The following HPSE2 variants were observed in gnomAD, a reference collection of about 807,000 sequenced individuals.
HPSE2 encodes heparanase 2 (inactive).
In HPSE2, 38 loss-of-function variants were observed where a neutral mutation model predicts 60.5. The observed-to-expected ratio is 0.63, with a 90% confidence interval of 0.48 to 0.82. The LOEUF is 0.82. HPSE2 is among the 40% of genes least tolerant of loss of function. HPSE2 has a pLI of 0.00. For missense variants in HPSE2, 713 were observed against 740.4 expected (o/e 0.96, Z 0.43); for synonymous variants, 295 against 293.2 (o/e 1.01, Z -0.06).
rs771032742 is a variant in HPSE2 at position 98,749,930 on chromosome 10, C to CTATATATATATATATA, written c.611-5890_611-5875dup. The stretch of plus-strand genomic sequence containing the variant: ...ATATTTTATATATATATATTAAACA[C>CTATATATATATATATA]TATATATATATATATATACACACAC... On this transcript the variant is annotated intron_variant, in intron 3 of 11. Coordinates refer to ENST00000370552, the MANE Select transcript of HPSE2 (RefSeq NM_021828.5). 3.7e-3 allele frequency among the ~76,000 whole-genome samples: 361 copies of CTATATATATATATATA among 96,936 alleles called. 5 individuals carry two copies. The highest frequency in any genetic ancestry group is 0.011 in the African/African-American group (330 of 29,082). 63.6% of individuals were successfully genotyped at this position (96,936 alleles called of 152,430 possible). A position where few individuals can be genotyped will look rare whatever the true frequency, so the allele number is the denominator to read the frequency against.
chr10:98,588,272 A>T (rs1944991702), intron 9 of HPSE2, among the ~76,000 whole-genome samples: 1 of 152,054 alleles, frequency 6.6e-6, no homozygotes, highest in African/African-American at 2.4e-5. Context: ...GGAGGGGATG[A>T]GACCAGGGCC....
In HPSE2 at chr10:98,475,014, G is replaced by C. The variant is rs568510244; in HGVS notation, c.1613+7622C>G. Among the ~76,000 whole-genome samples the C allele has an allele frequency of 2.0e-4, 30 of 152,136 alleles. 1 individual carries two copies. The East Asian group carries it at 5.6e-3, about 28-fold the overall frequency. Reference sequence around the variant, plus strand: ...ATGGCCTAGCAATAGAAAGATCAAGGGACATTCTGATCCGAAACATTCACA... The same window carrying C: ...ATGGCCTAGCAATAGAAAGATCAAGCGACATTCTGATCCGAAACATTCACA... On this transcript the variant is annotated intron_variant, in intron 11 of 11. Coordinates refer to ENST00000370552, the MANE Select transcript of HPSE2 (RefSeq NM_021828.5).
intron 3 of HPSE2, among the ~76,000 whole-genome samples, chr10:98,963,178 T>C (rs932712951): frequency 4.6e-5 from 7 of 152,190 alleles, no homozygotes; most frequent in Non-Finnish European, 1.0e-4. Flanking sequence ...TCTGACCTTC[T>C]ATCATGTTCA....
intron 2 of HPSE2, among the ~76,000 whole-genome samples, chr10:99,194,859 G>C (rs1238373496): frequency 1.3e-5 from 2 of 152,042 alleles, no homozygotes; most frequent in East Asian, 3.9e-4. Context: ...TGAAAAATTA[G>C]AGAAGAAGGA....
chr10:98,517,598 A>G (rs1489665041), intron 9 of HPSE2, among the ~76,000 whole-genome samples: 1 of 152,166 alleles, frequency 6.6e-6, no homozygotes, highest in African/African-American at 2.4e-5. Context: ...ATCCTCACTT[A>G]AGAAACTTTT....
chr10:98,763,103 G>GA (rs1416889389), intron 3 of HPSE2, among the ~76,000 whole-genome samples: 3 of 149,804 alleles, frequency 2.0e-5, no homozygotes, highest in South Asian at 2.1e-4. Context: ...AATGACAGAA[G>GA]AAAAAAATCA....
At chr10:98,600,347 C>T (rs1945362709) in intron 9 of HPSE2, among the ~76,000 whole-genome samples, 1 of 152,072 alleles carries the variant, frequency 6.6e-6, no homozygotes, top group Admixed American at 6.5e-5. Context: ...AGAAAAGCGT[C>T]AAGAAAGAGT....
intron 3 of HPSE2, among the ~76,000 whole-genome samples, chr10:99,057,134 G>A (rs1958133072): frequency 6.6e-6 from 1 of 152,086 alleles, no homozygotes; most frequent in South Asian, 2.1e-4. Context: ...GGTTACATAG[G>A]TGTATAATTT....
At chr10:99,216,414 C>T (rs1357922618) in intron 2 of HPSE2, among the ~76,000 whole-genome samples, 1 of 152,000 alleles carries the variant, frequency 6.6e-6, no homozygotes, top group Non-Finnish European at 1.5e-5. Flanking sequence ...AGGCTTGTCT[C>T]GAACTCTTGA....
intron 2 of HPSE2, among the ~76,000 whole-genome samples, chr10:99,193,441 T>C (rs1848289032): frequency 6.6e-6 from 1 of 151,886 alleles, no homozygotes; most frequent in Non-Finnish European, 1.5e-5. Flanking sequence ...AATAATAACA[T>C]TGAATTTAAA....
intron 3 of HPSE2, among the ~76,000 whole-genome samples, chr10:98,750,905 T>G (rs1235134937): frequency 6.6e-6 from 1 of 152,044 alleles, no homozygotes; most frequent in African/African-American, 2.4e-5. Context: ...AAGCAAAACA[T>G]TTTCAAAGGT....
intron 6 of HPSE2, among the ~76,000 whole-genome samples, chr10:98,648,795 GT>G (rs1457654509): frequency 6.6e-6 from 1 of 151,972 alleles, no homozygotes; most frequent in African/African-American, 2.4e-5. Flanking sequence ...AGATACAAAA[GT>G]AAGTATTTAT....
At chr10:98,832,522 G>A (rs181067018) in intron 3 of HPSE2, among the ~76,000 whole-genome samples, 1 of 152,238 alleles carries the variant, frequency 6.6e-6, no homozygotes, top group African/African-American at 2.4e-5. Context: ...AAATGTTAAG[G>A]GTTTAGATAA....
At chr10:98,910,361 T>G (rs1010883667) in intron 3 of HPSE2, among the ~76,000 whole-genome samples, 2 of 152,014 alleles carry the variant, frequency 1.3e-5, no homozygotes, top group Non-Finnish European at 1.5e-5. Context: ...AAATTTCAAC[T>G]GAAGGGAATA....
intron 3 of HPSE2, among the ~76,000 whole-genome samples, chr10:98,775,731 A>T (rs1355325451): frequency 1.3e-5 from 2 of 152,052 alleles, no homozygotes; most frequent in East Asian, 3.9e-4. Context: ...TGTAGTCCGA[A>T]ATTTAAATCT....
the HPSE2 span, among the ~76,000 whole-genome samples, chr10:99,297,102 T>A: frequency 1.3e-5 from 2 of 152,212 alleles, no homozygotes; most frequent in African/African-American, 2.4e-5. Flanking sequence ...ACAGTTCCAC[T>A]ACCTCGTGTA....
intron 3 of HPSE2, among the ~76,000 whole-genome samples, chr10:98,860,495 A>G (rs1224373822): frequency 1.3e-5 from 2 of 152,222 alleles, no homozygotes; most frequent in Admixed American, 6.5e-5. Flanking sequence ...CATTTTCTAC[A>G]TGTTTTAAGC....
chr10:99,208,548 T>C (rs1398003521), intron 2 of HPSE2, among the ~76,000 whole-genome samples: 1 of 152,006 alleles, frequency 6.6e-6, no homozygotes, highest in Non-Finnish European at 1.5e-5. Context: ...TAGCCAGGCA[T>C]GATGGTGCAT....
intron 9 of HPSE2, among the ~76,000 whole-genome samples, chr10:98,577,379 T>C (rs1048377950): frequency 2.6e-5 from 4 of 152,210 alleles, no homozygotes; most frequent in African/African-American, 9.6e-5. Flanking sequence ...CTGTTTACTC[T>C]CTAAGACTCA....
Sources: gnomAD v4.1 joint callset for allele counts (sites outside exome capture counted in the v4.1 genomes callset) on GRCh38, gnomAD v4.1.1 for gene constraint, MANE v1.5 for transcripts, NCBI Gene and HGNC (gene_info 2026-07-23, HGNC 2026-07-21) for gene names.